The following APBB2 variants were observed in gnomAD, a reference collection of about 807,000 sequenced individuals.
APBB2 encodes the protein Fe65-like 1.
APBB2 carries 38 observed loss-of-function variants against 82.5 expected under a neutral mutation model. The ratio of observed to expected loss-of-function variants is 0.46; its 90% CI spans 0.36 to 0.60. APBB2 has a LOEUF of 0.60. Ranked by LOEUF, APBB2 falls within the 20% of genes least tolerant of loss-of-function variation. The pLI is 0.00. For synonymous variants in APBB2, 341 were observed against 368.2 expected, an observed-to-expected ratio of 0.93 and a Z score of 0.85; for missense variants, 772 against 972.3, an observed-to-expected ratio of 0.79 and a Z score of 2.74.
rs192288337 is a variant in APBB2, at chr4:41,199,518, C to T, written c.-417+14887G>A. Among the ~76,000 whole-genome samples the T allele has an allele frequency of 5.5e-3, 843 of 152,320 alleles. 6 individuals are homozygous for T. The highest frequency in any genetic ancestry group is 0.017 in the Middle Eastern group (5 of 294). ...CTCCTTTTCTTGCACTAAAGCAACACCTTTGAATTTTGACCAATGAACAAT... is the reference window on the plus strand; with the variant it reads ...CTCCTTTTCTTGCACTAAAGCAACATCTTTGAATTTTGACCAATGAACAAT... On this transcript the variant is annotated intron_variant, in intron 1 of 17. Coordinates refer to ENST00000508593, the MANE Select transcript of APBB2 (RefSeq NM_004307.2).
At chr4:41,195,110 C>T in intron 1 of APBB2, among the ~76,000 whole-genome samples, 27,831 of 151,954 alleles carry the variant, frequency 0.18, 3,575 homozygotes, top group African/African-American at 0.36. Flanking sequence ...AAGTCTTCTC[C>T]GTCTTCACCC....
At chr4:40,816,398 T>C in intron 17 of APBB2, 139 bp from the exon 18 acceptor site, 1 of 947,088 alleles carries the variant, frequency 1.1e-6, no homozygotes, top group East Asian at 2.6e-5. Flanking sequence ...CAAGAGTTAT[T>C]TTTCTCTGAA....
At chr4:40,960,401 G>A (rs1792786486) in intron 6 of APBB2, among the ~76,000 whole-genome samples, 1 of 147,774 alleles carries the variant, frequency 6.8e-6, no homozygotes, top group Non-Finnish European at 1.5e-5. Context: ...AATTTACAAA[G>A]TTATATAATA....
intron 12 of APBB2, among the ~76,000 whole-genome samples, chr4:40,872,948 C>T (rs1349540995): frequency 1.3e-5 from 2 of 151,668 alleles, no homozygotes; most frequent in Admixed American, 6.6e-5. Flanking sequence ...ATTAGCTGGG[C>T]GTGGTGTTGC....
intron 12 of APBB2, among the ~76,000 whole-genome samples, chr4:40,866,985 A>G (rs1055534605): frequency 6.6e-6 from 1 of 152,130 alleles, no homozygotes; most frequent in African/African-American, 2.4e-5. Context: ...CGAACTCCTG[A>G]CCTCAACTGA....
chr4:40,893,496 A>G, intron 10 of APBB2, 85 bp from the exon 11 acceptor site: 1 of 1,316,514 alleles, frequency 7.6e-7, no homozygotes, highest in Non-Finnish European at 1.0e-6. Flanking sequence ...CCGCAACTAA[A>G]AGGTACTACA....
chr4:41,172,780 T>C (rs537239139), intron 1 of APBB2, among the ~76,000 whole-genome samples: 2 of 152,340 alleles, frequency 1.3e-5, no homozygotes, highest in Admixed American at 1.3e-4. Context: ...ACCACTGCTT[T>C]TTCTTTCCAC....
chr4:40,900,318 G>A (rs1774903797), intron 10 of APBB2, among the ~76,000 whole-genome samples: 1 of 152,148 alleles, frequency 6.6e-6, no homozygotes, highest in Non-Finnish European at 1.5e-5. Flanking sequence ...AGTTACCTGA[G>A]AGTATCTGAG....
At chr4:41,182,933 G>C (rs13111112) in intron 1 of APBB2, among the ~76,000 whole-genome samples, 1 of 152,040 alleles carries the variant, frequency 6.6e-6, no homozygotes, top group African/African-American at 2.4e-5. Flanking sequence ...GATTTGGGTG[G>C]GGTCACAAAG....
chr4:40,927,902 T>C (rs1171228624), intron 10 of APBB2, among the ~76,000 whole-genome samples: 2 of 152,254 alleles, frequency 1.3e-5, no homozygotes, highest in African/African-American at 2.4e-5. Context: ...AAACGGTATA[T>C]ATATTTCAAA....
At chr4:41,041,526 C>G (rs1721504394) in intron 4 of APBB2, among the ~76,000 whole-genome samples, 1 of 152,164 alleles carries the variant, frequency 6.6e-6, no homozygotes, top group Non-Finnish European at 1.5e-5. Context: ...TTTTGCCATT[C>G]ACATAGCTGG....
intron 2 of APBB2, among the ~76,000 whole-genome samples, chr4:41,110,046 T>C (rs912807799): frequency 2.0e-5 from 3 of 152,188 alleles, no homozygotes; most frequent in Admixed American, 6.5e-5. Context: ...GTAATACTCA[T>C]AACTTATGAT....
intron 3 of APBB2, among the ~76,000 whole-genome samples, chr4:41,093,412 G>A (rs1305590056): frequency 6.6e-6 from 1 of 151,958 alleles, no homozygotes; most frequent in Non-Finnish European, 1.5e-5. Flanking sequence ...TCCTTTTAAG[G>A]GTATCTGAGC....
intron 2 of APBB2, among the ~76,000 whole-genome samples, chr4:41,110,344 C>T (rs1560778021): frequency 6.6e-6 from 1 of 152,162 alleles, no homozygotes; most frequent in Non-Finnish European, 1.5e-5. Context: ...GTGGCTCACG[C>T]TTATAATCCC....
chr4:41,183,550 T>C (rs1772011542), intron 1 of APBB2, among the ~76,000 whole-genome samples: 1 of 152,102 alleles, frequency 6.6e-6, no homozygotes, highest in Non-Finnish European at 1.5e-5. Flanking sequence ...CAGAGACACA[T>C]ACATAGGGAG....
intron 10 of APBB2, among the ~76,000 whole-genome samples, chr4:40,907,361 ATATATATATATATATATATTTTTTTTTT>A (rs1777149742): frequency 2.3e-5 from 2 of 86,936 alleles, no homozygotes; most frequent in African/African-American, 1.3e-4. Context: ...ATATATATAT[ATATATATATATATATATATTTTTTTTTT>A]TTTTTTTTTT....
rs192589213 is a variant in APBB2, at chr4:41,211,671, G to A, written c.-417+2734C>T. ...CTAATTTTTGTATTTTTTTAGAGAC[G>A]GGGGTTTTACCTCTTGGCCAGGCTG... is the stretch of plus-strand genomic sequence containing the variant. On this transcript the variant is annotated intron_variant, in intron 1 of 17. Transcript: ENST00000508593. Among the ~76,000 whole-genome samples the A allele has an allele frequency of 1.9e-3, 287 of 151,888 alleles. 3 individuals are homozygous for A. Among genetic ancestry groups the A allele is most frequent in the Admixed American group, 0.017 (266 of 15,242 alleles).
chr4:40,985,006 C>T (rs1317636819), intron 6 of APBB2, among the ~76,000 whole-genome samples: 3 of 152,044 alleles, frequency 2.0e-5, no homozygotes, highest in Non-Finnish European at 4.4e-5. Context: ...ACTGCAGCCT[C>T]AACCTCGTGG....
intron 1 of APBB2, among the ~76,000 whole-genome samples, chr4:41,145,451 A>C (rs762324125): frequency 4.6e-5 from 7 of 152,220 alleles, no homozygotes; most frequent in Non-Finnish European, 1.0e-4. Flanking sequence ...CTTTGTACAA[A>C]TCACGTGCAG....
Sources: allele counts gnomAD v4.1 joint callset (sites outside exome capture counted in the v4.1 genomes callset), GRCh38; gene constraint gnomAD v4.1.1; transcripts MANE v1.5; gene names NCBI Gene and HGNC (gene_info 2026-07-23, HGNC 2026-07-21).